Variants in TSPAN15 observed in about 807,000 individuals in gnomAD.
The protein encoded by TSPAN15 is tetraspanin-15.
Under a neutral mutation model 34.5 loss-of-function variants are expected in TSPAN15, and 20 were observed. That is an observed-to-expected ratio of 0.58 (90% CI 0.41 to 0.84). The LOEUF (loss-of-function observed/expected upper bound fraction) is 0.84. Among genes scored for constraint, TSPAN15 ranks in the 40% least tolerant of loss-of-function variants. The probability of loss-of-function intolerance (pLI) is 0.00; values close to 1 mark genes in which losing one functional copy is unlikely to be tolerated. For synonymous variants in TSPAN15, 155 were observed against 153.9 expected (o/e 1.01, Z -0.05); for missense variants, 313 against 386.1 (o/e 0.81, Z 1.59).
the TSPAN15 span, among the ~76,000 whole-genome samples, chr10:69,521,285 A>G: frequency 0.053 from 7,263 of 137,674 alleles, 521 homozygotes; most frequent in East Asian, 0.28. Context: ...TGAGGCAGGC[A>G]GATCATGTGA....
At chr10:69,539,558 AGAAGG>A in the TSPAN15 span, among the ~76,000 whole-genome samples, 15 of 113,046 alleles carry the variant, frequency 1.3e-4, 2 homozygotes, top group East Asian at 4.5e-4. Context: ...AAGGAGAAGG[AGAAGG>A]AGAAGAAGAC....
In TSPAN15 at chr10:69,507,395, G is replaced by C; in HGVS notation, c.*417G>C. 8.1e-7 allele frequency: 1 copy of C among 1,227,278 alleles called. No individual in the cohort carries two copies. The highest frequency in any genetic ancestry group is 1.6e-5 in the African/African-American group (1 of 63,374). The allele number at this position is 1,227,278 out of a possible 1,614,324, so 76.0% of individuals were successfully genotyped here. A position where few individuals can be genotyped will look rare whatever the true frequency, so the allele number is the denominator to read the frequency against. On this transcript the variant is annotated 3_prime_UTR_variant, in exon 8 of 8. Transcript: ENST00000373290. ...TCGGGGCAGGAGGGAAGGGCATCTG[G>C]GGAAGGGCAGGAGGGAAGAGCTGTC...
intron 2 of TSPAN15, chr10:69,484,123 G>A (rs969215224): frequency 2.4e-6 from 1 of 417,172 alleles, no homozygotes; most frequent in Non-Finnish European, 4.3e-6. Flanking sequence ...GCTCAGTTGC[G>A]AGTAGGAAAA....
At chr10:69,451,925 C>G (rs779347605) in intron 1 of TSPAN15, among the ~76,000 whole-genome samples, 7 of 152,230 alleles carry the variant, frequency 4.6e-5, no homozygotes, top group Non-Finnish European at 1.0e-4. Flanking sequence ...CCACCTGGCT[C>G]ACCTGTGTGC....
chr10:69,534,592 A>G, the TSPAN15 span, among the ~76,000 whole-genome samples: 1 of 152,334 alleles, frequency 6.6e-6, no homozygotes, highest in African/African-American at 2.4e-5. Context: ...ATGAGTGTTT[A>G]TGAGATTTCT....
At chr10:69,522,902 A>G in the TSPAN15 span, among the ~76,000 whole-genome samples, 6 of 147,884 alleles carry the variant, frequency 4.1e-5, no homozygotes. Context: ...GTGTCCTTTG[A>G]TACACAAAAG....
intron 3 of TSPAN15, among the ~76,000 whole-genome samples, chr10:69,489,263 C>T (rs1327094922): frequency 6.6e-6 from 1 of 152,166 alleles, no homozygotes; most frequent in Non-Finnish European, 1.5e-5. Flanking sequence ...GGCAGTCAGA[C>T]CTTATGGTTG....
chr10:69,490,840 T>C (rs183550286), intron 3 of TSPAN15, among the ~76,000 whole-genome samples: 1 of 152,382 alleles, frequency 6.6e-6, no homozygotes, highest in Admixed American at 6.5e-5. Flanking sequence ...TGTTGTGTTA[T>C]TTTTTATTGT....
At chr10:69,523,222 G>T in the TSPAN15 span, 4 of 282,904 alleles carry the variant, frequency 1.4e-5, no homozygotes, top group Non-Finnish European at 2.6e-5. Context: ...TTGTTTGTTT[G>T]TTATTTGCCT....
intron 1 of TSPAN15, 119 bp downstream of exon 1, chr10:69,451,809 C>A: frequency 1.4e-6 from 1 of 738,358 alleles, no homozygotes; most frequent in Non-Finnish European, 1.9e-6. Flanking sequence ...GGTGAGCGCG[C>A]GCGGACTCCT....
At chr10:69,459,621 A>G (rs1459766081) in intron 1 of TSPAN15, among the ~76,000 whole-genome samples, 1 of 152,160 alleles carries the variant, frequency 6.6e-6, no homozygotes, top group Non-Finnish European at 1.5e-5. Context: ...AAGCCCGGGA[A>G]GGGCTGCGCT....
chr10:69,512,994 T>G, the TSPAN15 span, among the ~76,000 whole-genome samples: 1,949 of 152,340 alleles, frequency 0.013, 53 homozygotes, highest in African/African-American at 0.045. Flanking sequence ...ATGTTTAACT[T>G]TTTAAGAAAC....
At chr10:69,516,479 A>G in the TSPAN15 span, among the ~76,000 whole-genome samples, 1 of 152,202 alleles carries the variant, frequency 6.6e-6, no homozygotes, top group East Asian at 1.9e-4. Context: ...AGACAGCTGC[A>G]GAGGGGCCTG....
intron 6 of TSPAN15, 69 bp downstream of exon 6, chr10:69,504,554 G>T (rs1302047886): frequency 1.4e-5 from 21 of 1,514,284 alleles, no homozygotes; most frequent in African/African-American, 2.7e-5. Context: ...TGATCGGAGG[G>T]GTTTATTGAG....
At chr10:69,494,665 G>A (rs932422860) in intron 3 of TSPAN15, 6 of 985,322 alleles carry the variant, frequency 6.1e-6, no homozygotes, top group Non-Finnish European at 7.2e-6. Flanking sequence ...CCGCGATGGG[G>A]CCTGGAACCA....
At chr10:69,487,301 A>G (rs1841875689) in intron 3 of TSPAN15, among the ~76,000 whole-genome samples, 1 of 152,000 alleles carries the variant, frequency 6.6e-6, no homozygotes, top group Non-Finnish European at 1.5e-5. Context: ...ACAGGAGTTA[A>G]GAATTCCCCC....
At chr10:69,532,530 C>T in the TSPAN15 span, among the ~76,000 whole-genome samples, 2 of 152,190 alleles carry the variant, frequency 1.3e-5, no homozygotes, top group African/African-American at 4.8e-5. Flanking sequence ...AAAATCAACT[C>T]AAGATGGATT....
the TSPAN15 span, among the ~76,000 whole-genome samples, chr10:69,536,985 GAA>G: frequency 2.7e-4 from 29 of 109,306 alleles, no homozygotes; most frequent in Admixed American, 3.8e-4. Flanking sequence ...ACTACATCTT[GAA>G]AAAAAAAAAA....
intron 1 of TSPAN15, among the ~76,000 whole-genome samples, chr10:69,459,799 C>T (rs575652114): frequency 1.6e-4 from 20 of 125,612 alleles, no homozygotes; most frequent in African/African-American, 5.1e-4. Context: ...TCTGAGCCTC[C>T]GAGATGCCTC....
Sources: allele counts gnomAD v4.1 joint callset (sites outside exome capture counted in the v4.1 genomes callset), GRCh38; gene constraint gnomAD v4.1.1; transcripts MANE v1.5; gene names NCBI Gene and HGNC (gene_info 2026-07-23, HGNC 2026-07-21).